Variants in RPS6KA1 observed in about 807,000 individuals in gnomAD.
RPS6KA1 encodes the protein ribosomal protein S6 kinase alpha-1.
RPS6KA1 carries 48 observed loss-of-function variants against 91.3 expected under a neutral mutation model. The observed-to-expected ratio is 0.53, with a 90% CI of 0.42 to 0.67. The LOEUF (loss-of-function observed/expected upper bound fraction) is 0.67. Ranked by LOEUF, RPS6KA1 falls within the 30% of genes least tolerant of loss-of-function variation. The pLI is 0.00. For missense variants in RPS6KA1, 719 were observed against 960.5 expected (o/e 0.75, Z 3.32); for synonymous variants, 359 against 384.7 (o/e 0.93, Z 0.78).
Position 26,555,436 on chromosome 1 carries a change from C to T in RPS6KA1, c.828-101C>T, listed in dbSNP as rs1018058519. 3 of 1,231,056 alleles carry T rather than the reference C, an allele frequency of 2.4e-6. No homozygotes were observed. Among genetic ancestry groups the T allele is most frequent in the South Asian group, 1.3e-5 (1 of 75,718 alleles). 76.3% of individuals were successfully genotyped at this position (1,231,056 alleles called of 1,614,324 possible). A position where few individuals can be genotyped will look rare whatever the true frequency, so the allele number is the denominator to read the frequency against. ...CTTTGGGAAGTGAATTAGTGGATGGCTTGTCTAGACTGAGCTGGGAACTAG... is the reference window on the plus strand; with the variant it reads ...CTTTGGGAAGTGAATTAGTGGATGGTTTGTCTAGACTGAGCTGGGAACTAG... On this transcript the variant is annotated intron_variant, in intron 10 of 21. Transcript: ENST00000374168. The surrounding 1 kb of genome is among the most constrained non-coding windows in gnomAD (Gnocchi z 4.3).
At chr1:26,541,132 C>T (rs557775152) in intron 2 of RPS6KA1, among the ~76,000 whole-genome samples, 10 of 151,910 alleles carry the variant, frequency 6.6e-5, no homozygotes, top group Admixed American at 2.0e-4. Flanking sequence ...TGTGGTGGTA[C>T]GCACTTGTCC....
At position 26,529,983 on chromosome 1, in the gene RPS6KA1, G is replaced by A. The variant is rs1253410217; in HGVS notation, c.63G>A (p.Glu21=). ...PLMELVPLDP[E]NGQTSGEEAG... is the part of the protein sequence containing the mutation. ...TGGAGCTAGTGCCTCTGGACCCGGA[G>A]GTGAGTGAGCGGGGCGGGGGACGGG... The change falls in exon 1 of 22, where the codon GAG becomes GAA. Residue 21 remains glutamate, a splice_region_variant and synonymous_variant. Transcript: ENST00000374168. This position sits in a 1 kb window ranked among gnomAD's most constrained non-coding sequence, Gnocchi z 4.2. 2.1e-6 allele frequency: 3 copies of A among 1,406,996 alleles called. No individual in the cohort carries two copies. Among genetic ancestry groups the A allele is most frequent in the Non-Finnish European group, 2.8e-6 (3 of 1,079,358 alleles). 87.2% of individuals were successfully genotyped at this position (1,406,996 alleles called of 1,614,324 possible).
chr1:26,569,443 G>A (rs772747530), intron 17 of RPS6KA1, among the ~76,000 whole-genome samples: 12 of 152,110 alleles, frequency 7.9e-5, no homozygotes, highest in Non-Finnish European at 1.5e-4. Flanking sequence ...GGGAGCCCAC[G>A]GGACTTTCTC....
At chr1:26,544,789 T>C (rs553415380) in intron 2 of RPS6KA1, among the ~76,000 whole-genome samples, 1 of 152,318 alleles carries the variant, frequency 6.6e-6, no homozygotes, top group Admixed American at 6.5e-5. Flanking sequence ...GTTGGGTTTA[T>C]GTCCCCTTCT....
chr1:26,572,408 C>A (rs1191441183), intron 20 of RPS6KA1, 115 bp downstream of exon 20: 2 of 714,428 alleles, frequency 2.8e-6, no homozygotes, highest in Non-Finnish European at 5.0e-6. Flanking sequence ...TTCCACAAAT[C>A]CCTGTTGCTG....
In RPS6KA1 at chr1:26,554,276, C is replaced by G. The variant is rs565992649; in HGVS notation, c.613+25C>G. 7 of 1,554,664 alleles carry G rather than the reference C, an allele frequency of 4.5e-6. No individual in the cohort carries two copies. Among genetic ancestry groups the G allele is most frequent in the Admixed American group, 3.9e-5 (2 of 51,230 alleles). On this transcript the variant is annotated intron_variant, in intron 8 of 21. Transcript: ENST00000374168. The surrounding 1 kb of genome is among the most constrained non-coding windows in gnomAD (Gnocchi z 4.6). ...GGTGAGTGGAGGGCGCCTGCCCCCTCGGGACCCAGGGGAGGACAGGACAAG... is the reference window on the plus strand; with the variant it reads ...GGTGAGTGGAGGGCGCCTGCCCCCTGGGGACCCAGGGGAGGACAGGACAAG...
chr1:26,548,809 A>T (rs1329734925), intron 4 of RPS6KA1, among the ~76,000 whole-genome samples: 1 of 152,000 alleles, frequency 6.6e-6, no homozygotes, highest in African/African-American at 2.4e-5. Flanking sequence ...CAGAAAAAAA[A>T]AAAAAGAAAA....
intron 1 of RPS6KA1, among the ~76,000 whole-genome samples, chr1:26,534,443 C>T (rs2075891419): frequency 6.6e-6 from 1 of 152,074 alleles, no homozygotes; most frequent in African/African-American, 2.4e-5. Flanking sequence ...CATTTGAATT[C>T]AGTCCTGATA....
chr1:26,546,279 C>T (rs995352592), intron 2 of RPS6KA1, among the ~76,000 whole-genome samples: 1 of 152,162 alleles, frequency 6.6e-6, no homozygotes, highest in Admixed American at 6.5e-5. Flanking sequence ...CAAGGGGCTT[C>T]CAGTAGGTTT....
In RPS6KA1 at chr1:26,570,072, C is replaced by A. The variant is rs1570464286; in HGVS notation, c.1591-1377C>A. Among the ~76,000 whole-genome samples, 3 of 152,206 alleles carry A rather than the reference C, an allele frequency of 2.0e-5. No individual in the cohort carries two copies. In the Middle Eastern group the frequency reaches 0.01, roughly 518 times the overall value. ...TTGAGTTTGAGGCTCTGTGGAACAT[C>A]CAGTGGTTGCCTTGTGGTAGGCAGT... On this transcript the variant is annotated intron_variant, in intron 17 of 21. Coordinates refer to ENST00000374168, the MANE Select transcript of RPS6KA1 (RefSeq NM_002953.4).
At chr1:26,549,299 G>A (rs1380773022) in intron 4 of RPS6KA1, among the ~76,000 whole-genome samples, 3 of 151,864 alleles carry the variant, frequency 2.0e-5, no homozygotes, top group Admixed American at 6.6e-5. Flanking sequence ...GGCTGGGTGC[G>A]GTGGCTCATG....
rs2076086031 is a variant in RPS6KA1 at position 26,554,941 on chromosome 1, G to T, written c.756+203G>T. ...CCACCTGGGACGCGCCTAACCCAGT[G>T]CTGGCCTTCTCCCCAGCCTCGCGCC... On this transcript the variant is annotated intron_variant, in intron 9 of 21. Coordinates refer to ENST00000374168, the MANE Select transcript of RPS6KA1 (RefSeq NM_002953.4). This position sits in a 1 kb window ranked among gnomAD's most constrained non-coding sequence, Gnocchi z 4.6. Among the ~76,000 whole-genome samples, 1 of 152,198 alleles carries T rather than the reference G, an allele frequency of 6.6e-6. No individual in the cohort carries two copies. The highest frequency in any genetic ancestry group is 1.5e-5 in the Non-Finnish European group (1 of 68,034).
Position 26,554,421 on chromosome 1 carries a change from G to A in RPS6KA1, c.613+170G>A, listed in dbSNP as rs2076080462. 2.7e-6 allele frequency: 3 copies of A among 1,117,560 alleles called. No homozygotes were observed. Among genetic ancestry groups the A allele is most frequent in the Admixed American group, 4.7e-5 (2 of 42,902 alleles). 69.2% of individuals were successfully genotyped at this position (1,117,560 alleles called of 1,614,324 possible). A position where few individuals can be genotyped will look rare whatever the true frequency, so the allele number is the denominator to read the frequency against. ...TGGAACACCCTCAGCTGGAATCCCA[G>A]CCCCTCATTGTGTAACGTTGAGCAA... On this transcript the variant is annotated intron_variant, in intron 8 of 21. Transcript: ENST00000374168. This position sits in a 1 kb window ranked among gnomAD's most constrained non-coding sequence, Gnocchi z 4.6.
chr1:26,554,992 T>A lies in RPS6KA1; in HGVS notation c.757-159T>A, dbSNP rs2076086609. 6.6e-6 allele frequency among the ~76,000 whole-genome samples: 1 copy of A among 152,154 alleles called. No individual in the cohort carries two copies. Among genetic ancestry groups the A allele is most frequent in the African/African-American group, 2.4e-5 (1 of 41,446 alleles). On this transcript the variant is annotated intron_variant, in intron 9 of 21. Transcript: ENST00000374168. The surrounding 1 kb of genome is among the most constrained non-coding windows in gnomAD (Gnocchi z 4.6). ...CCCACCGCTGCTCCTGGTGGTCTGG[T>A]TGGCAGAGGCAAGAGGGACGGGCAT...
At chr1:26,572,705 C>T (rs184491191) in intron 20 of RPS6KA1, among the ~76,000 whole-genome samples, 3 of 152,276 alleles carry the variant, frequency 2.0e-5, no homozygotes, top group South Asian at 2.1e-4. Context: ...AGAGCCTCCT[C>T]GGAGGAAGTA....
intron 2 of RPS6KA1, among the ~76,000 whole-genome samples, chr1:26,541,552 C>T (rs990640078): frequency 6.6e-6 from 1 of 152,152 alleles, no homozygotes; most frequent in African/African-American, 2.4e-5. Context: ...GAGACTCCCT[C>T]TCAAAGAAAA....
chr1:26,573,415 G>T, intron 21 of RPS6KA1, 54 bp downstream of exon 21: 1 of 1,605,398 alleles, frequency 6.2e-7, no homozygotes, highest in Non-Finnish European at 8.5e-7. Flanking sequence ...AAGGTGGCAT[G>T]GTCAGGGACT....
chr1:26,557,278 ACT>A (rs1431289373), intron 13 of RPS6KA1, among the ~76,000 whole-genome samples, 178 bp downstream of exon 13: 2 of 151,458 alleles, frequency 1.3e-5, no homozygotes, highest in African/African-American at 4.9e-5. Context: ...ACTCCGCCCG[ACT>A]CTCTCACTAT....
At chr1:26,546,443 C>T (rs1200084993) in intron 2 of RPS6KA1, among the ~76,000 whole-genome samples, 1 of 152,212 alleles carries the variant, frequency 6.6e-6, no homozygotes, top group African/African-American at 2.4e-5. Context: ...GGGATCCCCT[C>T]ATCCCATCCT....
Sources: allele counts gnomAD v4.1 joint callset (sites outside exome capture counted in the v4.1 genomes callset), GRCh38; gene constraint gnomAD v4.1.1; non-coding constraint Gnocchi (gnomAD v3.1); transcripts MANE v1.5; gene names NCBI Gene and HGNC (gene_info 2026-07-23, HGNC 2026-07-21).